The following XRN1 variants were observed in gnomAD, a reference collection of about 807,000 sequenced individuals.
XRN1 encodes the protein 5'-3' exoribonuclease 1.
In XRN1, 67 loss-of-function variants were observed where a neutral mutation model predicts 222.3. The ratio of observed to expected loss-of-function variants is 0.30; its 90% CI spans 0.25 to 0.37. XRN1 has a LOEUF of 0.37. XRN1 is among the 10% of genes least tolerant of loss of function. XRN1 has a pLI of 1.00. For synonymous variants in XRN1, 643 were observed against 652.4 expected, an observed-to-expected ratio of 0.99 and a Z score of 0.22; for missense variants, 1,707 against 2,000.2, an observed-to-expected ratio of 0.85 and a Z score of 2.80.
intron 23 of XRN1, among the ~76,000 whole-genome samples, chr3:142,378,924 A>C (rs934077154): frequency 5.9e-5 from 9 of 152,264 alleles, no homozygotes; most frequent in South Asian, 2.1e-4. Context: ...ATGGCACAGG[A>C]TTTATCAACA....
intron 15 of XRN1, among the ~76,000 whole-genome samples, chr3:142,410,487 G>GTTTTTTTTTTTTTTTTTTTTTTT (rs751870329): frequency 1.5e-5 from 1 of 68,072 alleles, no homozygotes; most frequent in African/African-American, 6.1e-5. Flanking sequence ...TCTATCTCAT[G>GTTTTTTTTTTTTTTTTTTTTTTT]TTTTTTTTTT....
chr3:142,385,554 C>T (rs918616426), intron 20 of XRN1, among the ~76,000 whole-genome samples: 19 of 152,162 alleles, frequency 1.2e-4, no homozygotes, highest in African/African-American at 4.1e-4. Flanking sequence ...TACTTCCTGT[C>T]TATGGCTGCT....
chr3:142,343,469 A>G (rs1021923511), intron 33 of XRN1, among the ~76,000 whole-genome samples: 3 of 152,006 alleles, frequency 2.0e-5, no homozygotes, highest in African/African-American at 7.2e-5. Flanking sequence ...AAAAAAAAGA[A>G]AAAAAGAAAA....
In XRN1 at chr3:142,311,575, G is replaced by A; in HGVS notation, c.5021C>T (p.Ser1674Phe). 6.2e-7 allele frequency: 1 copy of A among 1,613,142 alleles called. No homozygotes were observed. The highest frequency in any genetic ancestry group is 8.5e-7 in the Non-Finnish European group (1 of 1,179,390). ...SISHHKSTPI[S>F]SSRRKSRKLA... The stretch of plus-strand genomic sequence containing the variant: ...TTTTCTTGATTTTCTTCTTGAAGAA[G>A]AGATTGGTGTTGACTTATGGTGAGA... Residue 1674 changes from serine (S) to phenylalanine (F), a missense_variant, in exon 41 of 41, where the codon TCT (serine) becomes TTT (phenylalanine). By Grantham distance (155) the Ser-to-Phe change is radical. Around this residue, in one of 2 missense-constraint regions of XRN1, gnomAD observed 473 missense variants for 482.0 expected, o/e 0.98. Transcript: ENST00000392981.
At chr3:142,332,674 G>GAA (rs368630678) in intron 35 of XRN1, 140 bp from the exon 36 acceptor site, 195 of 665,196 alleles carry the variant, frequency 2.9e-4, no homozygotes, top group South Asian at 5.1e-4. Flanking sequence ...GATAGAAACT[G>GAA]AAAAAAAAAA....
intron 36 of XRN1, among the ~76,000 whole-genome samples, chr3:142,330,608 T>C (rs1035218993): frequency 5.3e-5 from 8 of 151,652 alleles, no homozygotes; most frequent in African/African-American, 1.7e-4. Context: ...TTTTTTTTTT[T>C]TTCCTATACT....
chr3:142,332,633 T>C (rs1386118706), intron 35 of XRN1, 99 bp from the exon 36 acceptor site: 3 of 1,163,912 alleles, frequency 2.6e-6, no homozygotes, highest in South Asian at 2.1e-5. Flanking sequence ...AAGAATTCCA[T>C]TGTTAACAAT....
chr3:142,343,938 C>T (rs997385858), intron 33 of XRN1, among the ~76,000 whole-genome samples: 1 of 152,152 alleles, frequency 6.6e-6, no homozygotes, highest in Non-Finnish European at 1.5e-5. Flanking sequence ...TTTGCAACAA[C>T]ATGGATCAAA....
intron 39 of XRN1, among the ~76,000 whole-genome samples, chr3:142,316,013 C>T (rs1283914351): frequency 6.6e-6 from 1 of 152,110 alleles, no homozygotes; most frequent in Non-Finnish European, 1.5e-5. Flanking sequence ...ACTACTTACC[C>T]TGTACTCCCA....
chr3:142,416,123 T>C (rs1240599256), intron 13 of XRN1, among the ~76,000 whole-genome samples: 3 of 152,104 alleles, frequency 2.0e-5, no homozygotes, highest in East Asian at 1.9e-4. Context: ...CTTCTTCACC[T>C]TTCTAGCCCT....
Position 142,401,731 on chromosome 3 carries a change from T to G in XRN1, c.2104-1184A>C, listed in dbSNP as rs187418517. ...TCTGTCAAACAAACAAACAAACACA[T>G]AACTTCTTGACCAAGGGCTTAATAC... is the stretch of plus-strand genomic sequence containing the variant. On this transcript the variant is annotated intron_variant, in intron 18 of 40. Transcript: ENST00000392981. Among the ~76,000 whole-genome samples, 8 of 152,066 alleles carry G rather than the reference T, an allele frequency of 5.3e-5. No individual in the cohort carries two copies. In the East Asian group the frequency reaches 1.5e-3, roughly 29 times the overall value.
chr3:142,357,913 C>T (rs1438299501), intron 30 of XRN1, among the ~76,000 whole-genome samples: 2 of 152,086 alleles, frequency 1.3e-5, no homozygotes, highest in Non-Finnish European at 2.9e-5. Flanking sequence ...TGGCACACAC[C>T]TGTAATCCCA....
chr3:142,403,778 A>G lies in XRN1; in HGVS notation c.2005-6T>C, dbSNP rs2068236663. 1.2e-6 allele frequency: 2 copies of G among 1,611,418 alleles called. No individual in the cohort carries two copies. Among genetic ancestry groups the G allele is most frequent in the African/African-American group, 2.7e-5 (2 of 74,980 alleles). Reference sequence around the variant, plus strand: ...CCACTTTTCTTCAAAAAAAACTTTAAAAGAATTCAAATAATTTAATTTTAA... The same window carrying G: ...CCACTTTTCTTCAAAAAAAACTTTAGAAGAATTCAAATAATTTAATTTTAA... On this transcript the variant is annotated splice_region_variant and splice_polypyrimidine_tract_variant and intron_variant, in intron 17 of 40. Coordinates refer to ENST00000392981, the MANE Select transcript of XRN1 (RefSeq NM_001282857.2).
At chr3:142,318,549 T>C in intron 39 of XRN1, 43 bp downstream of exon 39, 1 of 1,496,586 alleles carries the variant, frequency 6.7e-7, no homozygotes, top group Non-Finnish European at 9.1e-7. Flanking sequence ...TTAGTAAAAA[T>C]AACAACTCAA....
At position 142,414,136 on chromosome 3, in the gene XRN1, T is replaced by C; in HGVS notation, c.1592A>G (p.Gln531Arg). Residue 531 changes from glutamine to arginine, a missense_variant and splice_region_variant, in exon 14 of 41, where the codon CAG becomes CGG. By Grantham distance (43) the Gln-to-Arg change is conservative. This residue lies in a region of XRN1 where 1,234 missense variants were observed against 1,518.2 expected (regional missense o/e 0.81). Transcript: ENST00000392981. ...ASKNLLPACY[Q>R]HLMTNEDSPI... Reference sequence around the variant, plus strand: ...AAAACATTCAATTCTAAGACCCACCTGGTAGCATGCAGGAAGTAAATTTTT... The same window carrying C: ...AAAACATTCAATTCTAAGACCCACCCGGTAGCATGCAGGAAGTAAATTTTT... 1 of 1,610,944 alleles carries C rather than the reference T, an allele frequency of 6.2e-7. No homozygotes were observed. Among genetic ancestry groups the C allele is most frequent in the Non-Finnish European group, 8.5e-7 (1 of 1,178,524 alleles).
At chr3:142,395,224 T>A (rs2067883135) in intron 20 of XRN1, among the ~76,000 whole-genome samples, 1 of 152,158 alleles carries the variant, frequency 6.6e-6, no homozygotes, top group Non-Finnish European at 1.5e-5. Flanking sequence ...TAGGGAGGCA[T>A]GAAAGGAAGG....
chr3:142,328,542 T>C (rs1251748588), intron 37 of XRN1, among the ~76,000 whole-genome samples: 7 of 151,098 alleles, frequency 4.6e-5, no homozygotes, highest in African/African-American at 1.7e-4. Context: ...GAGACTTGTT[T>C]TGTGGCTTAA....
At chr3:142,316,031 T>C (rs886085801) in intron 39 of XRN1, among the ~76,000 whole-genome samples, 6 of 152,186 alleles carry the variant, frequency 3.9e-5, no homozygotes, top group African/African-American at 1.4e-4. Context: ...CCAATGTAAG[T>C]ACATTACATC....
intron 25 of XRN1, among the ~76,000 whole-genome samples, chr3:142,372,017 C>T (rs1254623283): frequency 6.6e-6 from 1 of 152,148 alleles, no homozygotes; most frequent in African/African-American, 2.4e-5. Context: ...ATTTAAAACA[C>T]AGAACACTCT....
Sources: allele counts gnomAD v4.1 joint callset (sites outside exome capture counted in the v4.1 genomes callset), GRCh38; gene constraint gnomAD v4.1.1; regional missense constraint gnomAD v4.1.1; transcripts MANE v1.5; gene names NCBI Gene and HGNC (gene_info 2026-07-23, HGNC 2026-07-21).